CDC45: variants seen among roughly 807,000 people sequenced by gnomAD.
CDC45 encodes cell division cycle 45.
A neutral mutation model predicts 77.8 loss-of-function variants in CDC45; 54 were observed. The observed-to-expected ratio is 0.69, with a 90% CI of 0.56 to 0.87. CDC45 has a LOEUF of 0.87. CDC45 is among the 40% of genes least tolerant of loss of function. CDC45 has a pLI of 0.00. For missense variants in CDC45, 649 were observed against 721.6 expected, an observed-to-expected ratio of 0.90 and a Z score of 1.15; for synonymous variants, 260 against 272.1, an observed-to-expected ratio of 0.96 and a Z score of 0.44.
At chr22:19,503,669 G>C (rs1231861305) in intron 9 of CDC45, among the ~76,000 whole-genome samples, 1 of 152,136 alleles carries the variant, frequency 6.6e-6, no homozygotes, top group Non-Finnish European at 1.5e-5. Flanking sequence ...GAAGTCAAGA[G>C]GATTTCTCCC....
At chr22:19,498,752 G>A (rs927284294) in intron 8 of CDC45, among the ~76,000 whole-genome samples, 3 of 152,210 alleles carry the variant, frequency 2.0e-5, no homozygotes, top group African/African-American at 4.8e-5. Context: ...ACTCCACTCC[G>A]AGTGTTGGGG....
intron 5 of CDC45, among the ~76,000 whole-genome samples, chr22:19,488,085 C>T (rs935937690): frequency 6.6e-6 from 1 of 152,184 alleles, no homozygotes; most frequent in African/African-American, 2.4e-5. Flanking sequence ...GCTATAATAT[C>T]GTGGCTCAGG....
intron 8 of CDC45, 50 bp from the exon 9 acceptor site, chr22:19,499,051 T>C: frequency 1.3e-6 from 2 of 1,592,052 alleles, no homozygotes; most frequent in Non-Finnish European, 1.7e-6. Flanking sequence ...CCAGGCCTCA[T>C]TGAGCCCAGG....
chr22:19,485,052 A>G (rs988292250), intron 5 of CDC45, among the ~76,000 whole-genome samples: 2 of 152,028 alleles, frequency 1.3e-5, no homozygotes, highest in Non-Finnish European at 2.9e-5. Context: ...GACTAAGCAC[A>G]TGCCACTACA....
At chr22:19,483,682 C>T (rs548608111) in intron 4 of CDC45, among the ~76,000 whole-genome samples, 180 bp from the exon 5 acceptor site, 1 of 152,312 alleles carries the variant, frequency 6.6e-6, no homozygotes, top group Non-Finnish European at 1.5e-5. Flanking sequence ...TGGTGCCTCA[C>T]TGGTAATGAA....
At chr22:19,518,623 C>T (rs929048649) in intron 17 of CDC45, among the ~76,000 whole-genome samples, 16 of 152,114 alleles carry the variant, frequency 1.1e-4, no homozygotes, top group Admixed American at 5.2e-4. Context: ...GGGGAGTTCT[C>T]CCTGCAGGCC....
chr22:19,502,476 GTACA>G (rs1309071906), intron 9 of CDC45, among the ~76,000 whole-genome samples: 1 of 152,166 alleles, frequency 6.6e-6, no homozygotes, highest in Admixed American at 6.5e-5. Flanking sequence ...AACACAACAT[GTACA>G]TACATCTAAA....
chr22:19,483,818 C>G (rs372855156), intron 4 of CDC45, 44 bp from the exon 5 acceptor site: 3 of 1,560,782 alleles, frequency 1.9e-6, no homozygotes, highest in Admixed American at 1.8e-5. Context: ...TATAGTTTTC[C>G]GTAGAAAGAG....
In CDC45 at chr22:19,479,947, C is replaced by T; in HGVS notation, c.-22C>T. 1 of 1,612,518 alleles carries T rather than the reference C, an allele frequency of 6.2e-7. No homozygotes were observed. Among genetic ancestry groups the T allele is most frequent in the South Asian group, 1.1e-5 (1 of 91,052 alleles). On this transcript the variant is annotated 5_prime_UTR_variant, in exon 1 of 19. Transcript: ENST00000263201. ...GCTCTTGGTACCTCAGCGCGAGCGC[C>T]AGGCGTCCGGCCGCCGTGGCTATGT...
intron 17 of CDC45, among the ~76,000 whole-genome samples, chr22:19,518,595 C>T (rs1210168327): frequency 2.0e-5 from 3 of 152,172 alleles, no homozygotes; most frequent in East Asian, 3.9e-4. Flanking sequence ...CCTGTGTCAC[C>T]TCTATTGTCT....
intron 9 of CDC45, among the ~76,000 whole-genome samples, chr22:19,500,869 C>T (rs2090328950): frequency 6.6e-6 from 1 of 152,080 alleles, no homozygotes; most frequent in Admixed American, 6.6e-5. Context: ...ACATATGGAC[C>T]GCCTGGTCCT....
intron 5 of CDC45, among the ~76,000 whole-genome samples, chr22:19,488,707 C>G (rs2090110496): frequency 6.6e-6 from 1 of 152,156 alleles, no homozygotes; most frequent in African/African-American, 2.4e-5. Flanking sequence ...TGAGATTTAA[C>G]AAATGTATAA....
chr22:19,504,498 C>G (rs1475640025), intron 9 of CDC45, among the ~76,000 whole-genome samples: 1 of 152,134 alleles, frequency 6.6e-6, no homozygotes, highest in African/African-American at 2.4e-5. Flanking sequence ...GGGGTTTCTT[C>G]ATGTTGGTCA....
intron 9 of CDC45, among the ~76,000 whole-genome samples, chr22:19,504,235 A>G (rs146818731): frequency 1.3e-5 from 2 of 152,342 alleles, no homozygotes; most frequent in African/African-American, 2.4e-5. Flanking sequence ...ACCGAGTGAG[A>G]AGATGGGAGG....
At chr22:19,486,154 TA>T (rs577144264) in intron 5 of CDC45, among the ~76,000 whole-genome samples, 15 of 152,216 alleles carry the variant, frequency 9.9e-5, no homozygotes, top group Non-Finnish European at 2.2e-4. Context: ...CCCAAGTAGC[TA>T]GGATTACAGG....
chr22:19,494,600 C>G, intron 6 of CDC45: 1 of 1,540,402 alleles, frequency 6.5e-7, no homozygotes. Flanking sequence ...CAAGGTCTCC[C>G]AGGTACATGC....
chr22:19,487,525 A>C (rs910933755), intron 5 of CDC45, among the ~76,000 whole-genome samples: 7 of 148,706 alleles, frequency 4.7e-5, no homozygotes, highest in African/African-American at 1.7e-4. Context: ...GCAGGACCTC[A>C]TCTCTTAAAA....
At chr22:19,507,730 G>A (rs779264011) in intron 11 of CDC45, 36 bp from the exon 12 acceptor site, 1 of 1,500,550 alleles carries the variant, frequency 6.7e-7, no homozygotes, top group East Asian at 2.3e-5. Context: ...GGTGTGTGGT[G>A]ACCTCACTCA....
intron 9 of CDC45, among the ~76,000 whole-genome samples, chr22:19,503,956 T>TG (rs1241993176): frequency 6.6e-6 from 1 of 152,252 alleles, no homozygotes; most frequent in Admixed American, 6.5e-5. Context: ...GACATTGCCC[T>TG]GTCAACAGGC....
Sources: allele counts gnomAD v4.1 joint callset (sites outside exome capture counted in the v4.1 genomes callset), GRCh38; gene constraint gnomAD v4.1.1; transcripts MANE v1.5; gene names NCBI Gene and HGNC (gene_info 2026-07-23, HGNC 2026-07-21).